The following MPDZ variants were observed in gnomAD, a reference collection of about 807,000 sequenced individuals.
MPDZ encodes the protein multiple PDZ domain crumbs cell polarity complex component, also known as multiple PDZ domain protein.
A neutral mutation model predicts 239.1 loss-of-function variants in MPDZ; 234 were observed. That is an observed-to-expected ratio of 0.98 (90% CI 0.88 to 1.09). The LOEUF (loss-of-function observed/expected upper bound fraction) is 1.09, where lower values mean the gene tolerates loss of function less well. Ranked by LOEUF, MPDZ falls within the 50% of genes least tolerant of loss-of-function variation. MPDZ has a pLI of 0.00. For synonymous variants in MPDZ, 1,048 were observed against 881.3 expected (o/e 1.19, Z -3.35); for missense variants, 3,175 against 2,510.0 (o/e 1.26, Z -5.66).
At chr9:13,272,657 G>A (rs758239235) in intron 1 of MPDZ, among the ~76,000 whole-genome samples, 2 of 144,778 alleles carry the variant, frequency 1.4e-5, no homozygotes, top group Non-Finnish European at 3.0e-5. Flanking sequence ...GAGGTCAGGC[G>A]TTCAAGACCA....
At chr9:13,161,518 C>T (rs1950490232) in intron 23 of MPDZ, among the ~76,000 whole-genome samples, 1 of 152,052 alleles carries the variant, frequency 6.6e-6, no homozygotes, top group Non-Finnish European at 1.5e-5. Context: ...TCTCAGTAAG[C>T]CAAAATCGCA....
Position 13,214,569 on chromosome 9 carries a change from T to C in MPDZ, c.1290+2205A>G, listed in dbSNP as rs143689679. Among the ~76,000 whole-genome samples, 478 of 152,220 alleles carry C rather than the reference T, an allele frequency of 3.1e-3. 2 individuals are homozygous for C. The highest frequency in any genetic ancestry group is 4.6e-3 in the Non-Finnish European group (316 of 67,986). ...CATTTTAAATGGGTGAATTGTATGGTATGTGAATTACATTTCAATCAAGCT... is the reference window on the plus strand; with the variant it reads ...CATTTTAAATGGGTGAATTGTATGGCATGTGAATTACATTTCAATCAAGCT... On this transcript the variant is annotated intron_variant, in intron 10 of 46. Transcript: ENST00000319217.
At chr9:13,234,185 T>G (rs751804821) in intron 3 of MPDZ, among the ~76,000 whole-genome samples, 1 of 152,152 alleles carries the variant, frequency 6.6e-6, no homozygotes, top group Non-Finnish European at 1.5e-5. Flanking sequence ...TTACTTATAC[T>G]TCTTTTCAAT....
chr9:13,136,660 G>A, intron 30 of MPDZ, 52 bp downstream of exon 30: 1 of 1,164,214 alleles, frequency 8.6e-7, no homozygotes, highest in Non-Finnish European at 1.3e-6. Context: ...AGAACTCAGA[G>A]AAGAAATGCT....
chr9:13,117,313 C>T (rs1233252058), intron 39 of MPDZ, among the ~76,000 whole-genome samples: 4 of 151,926 alleles, frequency 2.6e-5, no homozygotes, highest in Admixed American at 6.6e-5. Context: ...GGGTGGATCA[C>T]GAAGTCAGGA....
At chr9:13,151,628 G>C (rs1317354748) in intron 24 of MPDZ, among the ~76,000 whole-genome samples, 1 of 151,994 alleles carries the variant, frequency 6.6e-6, no homozygotes, top group African/African-American at 2.4e-5. Flanking sequence ...TGGTTGCCTG[G>C]GATGGGAAGA....
Position 13,158,027 on chromosome 9 carries a change from T to C in MPDZ, c.3443A>G (p.Gln1148Arg), listed in dbSNP as rs752969006. The C allele has an allele frequency of 8.7e-6, 14 of 1,612,468 alleles. No homozygotes were observed. Among genetic ancestry groups the C allele is most frequent in the Non-Finnish European group, 1.2e-5 (14 of 1,178,972 alleles). The change falls in exon 24 of 47, where the codon CAG (glutamine) becomes CGG (arginine). Residue 1148 changes from glutamine to arginine, a missense_variant. Gln to Arg is a conservative substitution (Grantham distance 43). Transcript: ENST00000319217. ...LQNTAYSNWN[Q>R]PRRVELWREP... ...CAGAAATAGTCCTTACCGCCTGGGCTGATTCCAATTGCTATATGCTGTGTT... is the reference window on the plus strand; with the variant it reads ...CAGAAATAGTCCTTACCGCCTGGGCCGATTCCAATTGCTATATGCTGTGTT...
At chr9:13,249,125 C>CAA (rs1967188927) in intron 2 of MPDZ, among the ~76,000 whole-genome samples, 1 of 150,884 alleles carries the variant, frequency 6.6e-6, no homozygotes, top group South Asian at 2.1e-4. Context: ...CACACACACA[C>CAA]ACACACACAC....
chr9:13,230,020 G>A (rs992202348), intron 3 of MPDZ, among the ~76,000 whole-genome samples: 4 of 151,608 alleles, frequency 2.6e-5, no homozygotes, highest in South Asian at 2.1e-4. Flanking sequence ...CTAGAAAATG[G>A]GCAGAAAAAA....
In MPDZ at chr9:13,220,324, A is replaced by G. The variant is rs73647116; in HGVS notation, c.877-556T>C. Among the ~76,000 whole-genome samples the G allele has an allele frequency of 2.8e-3, 420 of 152,144 alleles. 4 individuals carry two copies. Among genetic ancestry groups the G allele is most frequent in the African/African-American group, 9.6e-3 (400 of 41,548 alleles). Reference sequence around the variant, plus strand: ...GTCTTATGAGCCTCCATACACATGCAGTCCATTAACTTTCTGCAATGATGG... The same window carrying G: ...GTCTTATGAGCCTCCATACACATGCGGTCCATTAACTTTCTGCAATGATGG... On this transcript the variant is annotated intron_variant, in intron 7 of 46. Transcript: ENST00000319217.
In MPDZ at chr9:13,279,406, C is replaced by T. The variant is rs924713741; in HGVS notation, c.-64G>A. 4.8e-5 allele frequency: 7 copies of T among 146,864 alleles called. No individual in the cohort carries two copies. Among genetic ancestry groups the T allele is most frequent in the Admixed American group, 2.7e-4 (4 of 14,852 alleles). The allele number at this position is 146,864 out of a possible 1,614,324, so 9.1% of individuals were successfully genotyped here. A position where few individuals can be genotyped will look rare whatever the true frequency, so the allele number is the denominator to read the frequency against. ...GGGCTCAAGCGCCGCTTACCCGGCTCGCGGCGCCCGCCCAGGGCCGCGACG... is the reference window on the plus strand; with the variant it reads ...GGGCTCAAGCGCCGCTTACCCGGCTTGCGGCGCCCGCCCAGGGCCGCGACG... On this transcript the variant is annotated 5_prime_UTR_variant, in exon 1 of 47. Coordinates refer to ENST00000319217, the MANE Select transcript of MPDZ (RefSeq NM_001378778.1).
At chr9:13,180,928 A>T (rs1563973608) in intron 19 of MPDZ, among the ~76,000 whole-genome samples, 1 of 152,166 alleles carries the variant, frequency 6.6e-6, no homozygotes, top group Non-Finnish European at 1.5e-5. Context: ...AAGAGCCCCA[A>T]CATATGGCTA....
At chr9:13,193,610 C>T (rs1053742650) in intron 13 of MPDZ, among the ~76,000 whole-genome samples, 3 of 152,016 alleles carry the variant, frequency 2.0e-5, no homozygotes, top group African/African-American at 4.8e-5. Flanking sequence ...AGTAGAAAAA[C>T]GAGGTTCAGA....
At chr9:13,260,241 G>A (rs182720518) in intron 1 of MPDZ, among the ~76,000 whole-genome samples, 1 of 152,036 alleles carries the variant, frequency 6.6e-6, no homozygotes, top group Admixed American at 6.6e-5. Flanking sequence ...ATCAAGAGAA[G>A]CTATGGATAA....
chr9:13,140,071 C>T lies in MPDZ; in HGVS notation c.3919G>A (p.Glu1307Lys), dbSNP rs199509495. ...GACTGTGTGTGATCACTACCCATTT[C>T]GGCAAAGGCTGAAGGAGGGGGTGGG... is the stretch of plus-strand genomic sequence containing the variant. ...VPPPPPSAFA[E>K]MGSDHTQSSA... The change falls in exon 28 of 47, where the codon GAA (glutamate) becomes AAA (lysine). Residue 1307 changes from glutamate to lysine, a missense_variant. Coordinates refer to ENST00000319217, the MANE Select transcript of MPDZ (RefSeq NM_001378778.1). The T allele has an allele frequency of 1.4e-3, 2,276 of 1,612,838 alleles. 3 individuals carry two copies. The highest frequency in any genetic ancestry group is 1.8e-3 in the Admixed American group (109 of 59,874).
At chr9:13,236,263 ATATATTTTTTT>A (rs1963984952) in intron 3 of MPDZ, among the ~76,000 whole-genome samples, 2 of 13,820 alleles carry the variant, frequency 1.4e-4, no homozygotes, top group Non-Finnish European at 3.5e-4. Flanking sequence ...ATATATATAT[ATATATTTTTTT>A]TTTTTTTTTT....
In MPDZ at chr9:13,188,869, T is replaced by TC; in HGVS notation, c.2278dup (p.Glu760GlyfsTer6). The TC allele has an allele frequency of 6.2e-7, 1 of 1,613,602 alleles. No homozygotes were observed. ...TACAGCTTCCTCAAGACTGCTGTTT[T>TC]CCAAGTTAACATCGTTTACAAACAT... On this transcript the variant is annotated frameshift_variant, in exon 17 of 47. Transcript: ENST00000319217. LOFTEE classifies it high-confidence loss of function.
intron 32 of MPDZ, among the ~76,000 whole-genome samples, chr9:13,132,911 T>C (rs1270570650): frequency 6.6e-6 from 1 of 152,156 alleles, no homozygotes; most frequent in African/African-American, 2.4e-5. Context: ...AACATGTTCA[T>C]TCCACAGACA....
At chr9:13,138,884 C>T (rs1947245098) in intron 28 of MPDZ, among the ~76,000 whole-genome samples, 2 of 152,190 alleles carry the variant, frequency 1.3e-5, no homozygotes, top group Admixed American at 1.3e-4. Context: ...AAGTCCAGCC[C>T]AGCTGGGCCC....
Sources: gnomAD v4.1 joint callset for allele counts (sites outside exome capture counted in the v4.1 genomes callset) on GRCh38, gnomAD v4.1.1 for gene constraint, MANE v1.5 for transcripts, NCBI Gene and HGNC (gene_info 2026-07-23, HGNC 2026-07-21) for gene names.